Variants in MRPS31 observed in about 807,000 individuals in gnomAD.
The protein encoded by MRPS31 is small ribosomal subunit protein mS31.
In MRPS31, 32 loss-of-function variants were observed where a neutral mutation model predicts 43.1. The ratio of observed to expected loss-of-function variants is 0.74; its 90% CI spans 0.56 to 1.00. The LOEUF (loss-of-function observed/expected upper bound fraction) is 1.00, where lower values mean the gene tolerates loss of function less well. Among genes scored for constraint, MRPS31 ranks in the 50% least tolerant of loss-of-function variants. The probability of loss-of-function intolerance (pLI) is 0.00; values close to 1 mark genes in which losing one functional copy is unlikely to be tolerated. For missense variants in MRPS31, 437 were observed against 466.7 expected (o/e 0.94, Z 0.59); for synonymous variants, 165 against 161.6 (o/e 1.02, Z -0.16).
intron 2 of MRPS31, among the ~76,000 whole-genome samples, 191 bp from the exon 3 acceptor site, chr13:40,759,297 C>T (rs553996184): frequency 1.7e-4 from 26 of 152,012 alleles, no homozygotes; most frequent in Middle Eastern, 3.4e-3. Flanking sequence ...ATTAGTTGGG[C>T]GTGGTGGCGC....
chr13:40,767,920 A>G (rs1258977486), intron 1 of MRPS31, among the ~76,000 whole-genome samples: 1 of 152,248 alleles, frequency 6.6e-6, no homozygotes, highest in Admixed American at 6.5e-5. Context: ...TCATCGAGCT[A>G]CATGCTACTT....
chr13:40,744,672 T>C (rs1030925183), intron 6 of MRPS31, among the ~76,000 whole-genome samples: 8 of 151,974 alleles, frequency 5.3e-5, no homozygotes, highest in Admixed American at 5.2e-4. Flanking sequence ...TGCAGCACTA[T>C]TCACAATAGC....
At chr13:40,734,185 TA>T (rs1566103550) in intron 6 of MRPS31, among the ~76,000 whole-genome samples, 2 of 152,056 alleles carry the variant, frequency 1.3e-5, no homozygotes, top group Non-Finnish European at 2.9e-5. Flanking sequence ...TATCCTCAAG[TA>T]AACCATTAAA....
chr13:40,765,922 A>G (rs927674424), intron 2 of MRPS31, among the ~76,000 whole-genome samples: 2 of 152,244 alleles, frequency 1.3e-5, no homozygotes, highest in Non-Finnish European at 2.9e-5. Flanking sequence ...TGACAAACAC[A>G]AATAATTTTA....
At chr13:40,735,409 C>A (rs1390578001) in intron 6 of MRPS31, among the ~76,000 whole-genome samples, 1 of 152,188 alleles carries the variant, frequency 6.6e-6, no homozygotes, top group Non-Finnish European at 1.5e-5. Flanking sequence ...CCAGGAAGCT[C>A]GAACTGGGTG....
chr13:40,748,216 A>G (rs1055920084), intron 6 of MRPS31, among the ~76,000 whole-genome samples: 25 of 152,130 alleles, frequency 1.6e-4, no homozygotes, highest in African/African-American at 6.0e-4. Context: ...GGAGTGCAAT[A>G]GCGTGATCTC....
intron 6 of MRPS31, among the ~76,000 whole-genome samples, chr13:40,742,839 T>C (rs1166765340): frequency 6.6e-6 from 1 of 152,148 alleles, no homozygotes; most frequent in African/African-American, 2.4e-5. Flanking sequence ...AAATTAGCCT[T>C]AGACTAGCCA....
intron 2 of MRPS31, among the ~76,000 whole-genome samples, chr13:40,765,045 G>A (rs909314783): frequency 1.3e-5 from 2 of 152,094 alleles, no homozygotes; most frequent in African/African-American, 2.4e-5. Context: ...ACCTAATCCC[G>A]TGCACCTTGG....
intron 4 of MRPS31, among the ~76,000 whole-genome samples, chr13:40,756,212 C>A (rs563518117): frequency 7.0e-4 from 107 of 152,298 alleles, no homozygotes; most frequent in Non-Finnish European, 1.4e-3. Context: ...TTTTGTCAGA[C>A]CATGCCAAAT....
At chr13:40,740,496 T>C (rs995848418) in intron 6 of MRPS31, among the ~76,000 whole-genome samples, 4 of 139,132 alleles carry the variant, frequency 2.9e-5, no homozygotes, top group South Asian at 2.5e-4. Context: ...CGTATGTTTA[T>C]TGCGGCATTA....
intron 6 of MRPS31, among the ~76,000 whole-genome samples, chr13:40,745,509 C>G (rs1297834455): frequency 6.6e-6 from 1 of 152,214 alleles, no homozygotes; most frequent in Non-Finnish European, 1.5e-5. Context: ...GCCTCAGTCT[C>G]CCAAAGTTCT....
chr13:40,752,726 C>T (rs1044074684), intron 5 of MRPS31, among the ~76,000 whole-genome samples: 1 of 151,556 alleles, frequency 6.6e-6, no homozygotes, highest in Non-Finnish European at 1.5e-5. Context: ...ACTTATCTAT[C>T]ATATACAACA....
intron 6 of MRPS31, chr13:40,731,262 A>AG (rs1442994314): frequency 6.1e-6 from 1 of 165,156 alleles, no homozygotes; most frequent in East Asian, 1.8e-4. Flanking sequence ...CAAAAAAAAA[A>AG]AAAAAAAAGC....
At chr13:40,752,152 T>C (rs1366923717) in intron 5 of MRPS31, 2 of 152,138 alleles carry the variant, frequency 1.3e-5, no homozygotes, top group Admixed American at 6.6e-5. Flanking sequence ...ACCTTCCGAG[T>C]AGCTGGGATT....
At chr13:40,756,825 A>T in intron 4 of MRPS31, 48 bp downstream of exon 4, 1 of 1,600,564 alleles carries the variant, frequency 6.2e-7, no homozygotes, top group African/African-American at 1.3e-5. Context: ...CAGTTAAGGT[A>T]AAAACAAACT....
intron 6 of MRPS31, among the ~76,000 whole-genome samples, chr13:40,735,083 G>C (rs1879843714): frequency 1.3e-5 from 2 of 152,234 alleles, no homozygotes; most frequent in Admixed American, 6.5e-5. Flanking sequence ...CGCGCACCTT[G>C]CGCGAGCCGA....
intron 6 of MRPS31, among the ~76,000 whole-genome samples, chr13:40,732,994 G>GTTTTTTTTT (rs1159862645): frequency 1.2e-5 from 1 of 84,486 alleles, no homozygotes; most frequent in Non-Finnish European, 2.1e-5. Flanking sequence ...AATGCATTTG[G>GTTTTTTTTT]TTTTTTTTTT....
intron 2 of MRPS31, among the ~76,000 whole-genome samples, chr13:40,766,476 T>C (rs890618082): frequency 1.2e-4 from 19 of 152,066 alleles, no homozygotes; most frequent in African/African-American, 4.1e-4. Flanking sequence ...GTAGTTTTAG[T>C]AGAGACGGGG....
At chr13:40,754,739 G>C (rs1020037513) in intron 4 of MRPS31, among the ~76,000 whole-genome samples, 6 of 152,296 alleles carry the variant, frequency 3.9e-5, no homozygotes, top group African/African-American at 1.4e-4. Flanking sequence ...TTTATAAACT[G>C]GATGGCTGGC....
Sources: gnomAD v4.1 joint callset for allele counts (sites outside exome capture counted in the v4.1 genomes callset) on GRCh38, gnomAD v4.1.1 for gene constraint, MANE v1.5 for transcripts, NCBI Gene and HGNC (gene_info 2026-07-23, HGNC 2026-07-21) for gene names.